Variants in KHDRBS3 observed in about 807,000 individuals in gnomAD.
The protein encoded by KHDRBS3 is KH domain-containing, RNA-binding, signal transduction-associated protein 3.
In KHDRBS3, 23 loss-of-function variants were observed where a neutral mutation model predicts 45.6. The observed-to-expected ratio is 0.50, with a 90% confidence interval of 0.36 to 0.72. KHDRBS3 has a LOEUF of 0.72. Among genes scored for constraint, KHDRBS3 ranks in the 30% least tolerant of loss-of-function variants. The pLI, the probability that KHDRBS3 is intolerant of heterozygous loss-of-function variation, is 0.00. For synonymous variants in KHDRBS3, 162 were observed against 156.5 expected (o/e 1.04, Z -0.26); for missense variants, 352 against 424.8 (o/e 0.83, Z 1.51).
chr8:135,483,803 A>T (rs1822707718), intron 1 of KHDRBS3, among the ~76,000 whole-genome samples: 1 of 152,098 alleles, frequency 6.6e-6, no homozygotes, highest in African/African-American at 2.4e-5. Context: ...TGACCTGCTT[A>T]TTCTCTCTCC....
At chr8:135,627,051 T>C (rs1305891009) in intron 7 of KHDRBS3, among the ~76,000 whole-genome samples, 1 of 152,196 alleles carries the variant, frequency 6.6e-6, no homozygotes, top group East Asian at 1.9e-4. Context: ...ACAGGGATAC[T>C]CACACGCCTT....
At chr8:135,534,361 T>C (rs1405023584) in intron 2 of KHDRBS3, among the ~76,000 whole-genome samples, 2 of 152,184 alleles carry the variant, frequency 1.3e-5, no homozygotes, top group Non-Finnish European at 2.9e-5. Context: ...TTAATTAACA[T>C]CTTGGGTAGT....
chr8:135,558,735 T>C (rs1827017128), intron 5 of KHDRBS3, among the ~76,000 whole-genome samples: 4 of 152,054 alleles, frequency 2.6e-5, no homozygotes, highest in Admixed American at 2.6e-4. Context: ...CTTACTTACC[T>C]GCTTCATTAT....
intron 4 of KHDRBS3, chr8:135,549,632 A>T (rs1328722616): frequency 1.1e-4 from 16 of 152,192 alleles, no homozygotes. Context: ...CATGCTCTTG[A>T]TAAAAAGAAT....
At chr8:135,554,101 A>G (rs1349915349) in intron 4 of KHDRBS3, among the ~76,000 whole-genome samples, 1 of 152,078 alleles carries the variant, frequency 6.6e-6, no homozygotes, top group African/African-American at 2.4e-5. Flanking sequence ...CAGGTGGTTA[A>G]ATTTAGTCTT....
At chr8:135,625,974 A>G in intron 7 of KHDRBS3, 1 of 778,718 alleles carries the variant, frequency 1.3e-6, no homozygotes. Context: ...GTATACGTTC[A>G]CTGCCATCTT....
Position 135,647,191 on chromosome 8 carries a change from A to G in KHDRBS3, c.*107A>G. 2.4e-6 allele frequency: 1 copy of G among 412,354 alleles called. No individual in the cohort carries two copies. Among genetic ancestry groups the G allele is most frequent in the Non-Finnish European group, 4.5e-6 (1 of 224,146 alleles). The allele number at this position is 412,354 out of a possible 1,614,324, so 25.5% of individuals were successfully genotyped here. ...CCTTTTTAAATAAATCAGAATGCTT[A>G]AAATCTGAATGGATGGAACTTAAAA... On this transcript the variant is annotated 3_prime_UTR_variant, in exon 9 of 9. Coordinates refer to ENST00000355849, the MANE Select transcript of KHDRBS3 (RefSeq NM_006558.3).
chr8:135,547,832 CAG>C (rs1193341419), intron 3 of KHDRBS3, among the ~76,000 whole-genome samples: 2 of 152,116 alleles, frequency 1.3e-5, no homozygotes, highest in African/African-American at 2.4e-5. Flanking sequence ...ACATTGGAAA[CAG>C]AGACTAATGG....
intron 5 of KHDRBS3, among the ~76,000 whole-genome samples, chr8:135,574,748 T>G (rs905898820): frequency 6.6e-6 from 1 of 152,212 alleles, no homozygotes; most frequent in African/African-American, 2.4e-5. Flanking sequence ...TCTCTAGATA[T>G]ATATACTGGA....
At chr8:135,549,779 A>G (rs1237650158) in intron 4 of KHDRBS3, 1 of 152,216 alleles carries the variant, frequency 6.6e-6, no homozygotes, top group Non-Finnish European at 1.5e-5. Context: ...ACTACAGCAC[A>G]TGTACTGTGA....
intron 2 of KHDRBS3, among the ~76,000 whole-genome samples, chr8:135,527,707 G>A (rs763206699): frequency 5.3e-5 from 8 of 152,274 alleles, no homozygotes; most frequent in South Asian, 2.1e-4. Context: ...CATTAAATAC[G>A]TTATATCTCT....
intron 7 of KHDRBS3, among the ~76,000 whole-genome samples, chr8:135,639,937 AT>A (rs1431278528): frequency 6.6e-6 from 1 of 152,232 alleles, no homozygotes; most frequent in Non-Finnish European, 1.5e-5. Context: ...GGGGACAGAC[AT>A]CCAAACCACA....
At chr8:135,623,559 A>G (rs1185634494) in intron 7 of KHDRBS3, among the ~76,000 whole-genome samples, 1 of 151,928 alleles carries the variant, frequency 6.6e-6, no homozygotes, top group Non-Finnish European at 1.5e-5. Context: ...ACCAAAGCTA[A>G]GTTCCTTACT....
intron 7 of KHDRBS3, among the ~76,000 whole-genome samples, chr8:135,641,583 A>G (rs956598181): frequency 2.6e-5 from 4 of 152,190 alleles, no homozygotes; most frequent in South Asian, 2.1e-4. Context: ...TATGTTGACT[A>G]CTGTGGAGCT....
chr8:135,493,909 C>G (rs547209682), intron 1 of KHDRBS3, among the ~76,000 whole-genome samples: 43 of 152,236 alleles, frequency 2.8e-4, no homozygotes, highest in African/African-American at 1.0e-3. Flanking sequence ...TTGAGAAAAG[C>G]TTTTAAACTA....
chr8:135,550,338 TTC>T (rs1329710207), intron 4 of KHDRBS3, among the ~76,000 whole-genome samples: 1 of 152,236 alleles, frequency 6.6e-6, no homozygotes, highest in Non-Finnish European at 1.5e-5. Flanking sequence ...CACCAGGATT[TTC>T]TACTGTTTTA....
At chr8:135,505,263 G>T (rs943711811) in intron 1 of KHDRBS3, among the ~76,000 whole-genome samples, 1 of 152,132 alleles carries the variant, frequency 6.6e-6, no homozygotes, top group African/African-American at 2.4e-5. Context: ...CCATTTTTAT[G>T]CATGGAGAAA....
chr8:135,636,850 C>A (rs1830834860), intron 7 of KHDRBS3, among the ~76,000 whole-genome samples: 1 of 152,210 alleles, frequency 6.6e-6, no homozygotes, highest in Admixed American at 6.5e-5. Context: ...TCGGAATTCT[C>A]AGGGGAAGAG....
chr8:135,530,422 A>C (rs1050842587), intron 2 of KHDRBS3, among the ~76,000 whole-genome samples: 1 of 152,182 alleles, frequency 6.6e-6, no homozygotes, highest in African/African-American at 2.4e-5. Flanking sequence ...TTGAACTATA[A>C]ATTTCCATTA....
Sources: allele counts gnomAD v4.1 joint callset (sites outside exome capture counted in the v4.1 genomes callset), GRCh38; gene constraint gnomAD v4.1.1; transcripts MANE v1.5; gene names NCBI Gene and HGNC (gene_info 2026-07-23, HGNC 2026-07-21).